The following BCKDHB variants were observed in gnomAD, a reference collection of about 807,000 sequenced individuals.
The protein encoded by BCKDHB is 2-oxoisovalerate dehydrogenase subunit beta, mitochondrial.
BCKDHB carries 41 observed loss-of-function variants against 48.5 expected under a neutral mutation model. The ratio of observed to expected loss-of-function variants is 0.85; its 90% confidence interval spans 0.66 to 1.10. The LOEUF (loss-of-function observed/expected upper bound fraction) is 1.10. BCKDHB is among the 50% of genes least tolerant of loss of function. The pLI, the probability that BCKDHB is intolerant of heterozygous loss-of-function variation, is 0.00. For synonymous variants in BCKDHB, 201 were observed against 174.8 expected (o/e 1.15, Z -1.18); for missense variants, 496 against 494.2 (o/e 1.00, Z -0.03).
intron 8 of BCKDHB, among the ~76,000 whole-genome samples, chr6:80,225,117 C>T (rs531844667): frequency 3.4e-4 from 52 of 152,242 alleles, no homozygotes; most frequent in African/African-American, 1.1e-3. Flanking sequence ...GCATTCCATC[C>T]GTTCCTTTCA....
At chr6:80,232,207 C>T (rs1273468160) in intron 8 of BCKDHB, among the ~76,000 whole-genome samples, 2 of 151,980 alleles carry the variant, frequency 1.3e-5, no homozygotes, top group African/African-American at 4.8e-5. Flanking sequence ...TTCTCCTTTA[C>T]TGGTAGACTG....
chr6:80,277,277 CT>C (rs755981466), intron 9 of BCKDHB, among the ~76,000 whole-genome samples: 1 of 151,924 alleles, frequency 6.6e-6, no homozygotes, highest in African/African-American at 2.4e-5. Context: ...TGCTTGTATG[CT>C]TCAGCTTTAT....
the BCKDHB span, among the ~76,000 whole-genome samples, chr6:80,380,336 AAGGACATCTTTTTCAATAAATG>A: frequency 3.3e-5 from 5 of 152,078 alleles, no homozygotes; most frequent in Admixed American, 1.3e-4. Flanking sequence ...ACAATGGGGA[AAGGACATCTTTTTCAATAAATG>A]ATGCTGGGAA....
At chr6:80,460,589 T>A in the BCKDHB span, among the ~76,000 whole-genome samples, 1 of 152,122 alleles carries the variant, frequency 6.6e-6, no homozygotes, top group Non-Finnish European at 1.5e-5. Flanking sequence ...GTTTTTAGGT[T>A]TATCCTCAAA....
At chr6:80,209,646 C>G (rs1040122040) in intron 8 of BCKDHB, among the ~76,000 whole-genome samples, 3 of 151,894 alleles carry the variant, frequency 2.0e-5, no homozygotes, top group African/African-American at 7.3e-5. Context: ...ATTATATTAA[C>G]TCTTACCACA....
the BCKDHB span, among the ~76,000 whole-genome samples, chr6:80,370,816 ATATGTG>A: frequency 3.5e-3 from 445 of 125,480 alleles, 4 homozygotes; most frequent in African/African-American, 0.012. Context: ...GTGTATATAT[ATATGTG>A]TGTGTGTGTG....
At chr6:80,200,595 A>G (rs935809894) in intron 6 of BCKDHB, among the ~76,000 whole-genome samples, 1 of 152,218 alleles carries the variant, frequency 6.6e-6, no homozygotes, top group African/African-American at 2.4e-5. Context: ...TTAACATCTT[A>G]CATACATGTA....
the BCKDHB span, among the ~76,000 whole-genome samples, chr6:80,433,359 C>A: frequency 6.6e-6 from 1 of 152,136 alleles, no homozygotes; most frequent in Non-Finnish European, 1.5e-5. Context: ...AGATGCCCTG[C>A]CCAGAGAGGA....
the BCKDHB span, among the ~76,000 whole-genome samples, chr6:80,372,571 T>C: frequency 2.6e-5 from 4 of 152,178 alleles, no homozygotes; most frequent in South Asian, 6.2e-4. Flanking sequence ...TTCTGTATAA[T>C]GTTGGCTGTG....
intron 9 of BCKDHB, among the ~76,000 whole-genome samples, chr6:80,334,862 A>G (rs971040227): frequency 6.6e-6 from 1 of 152,004 alleles, no homozygotes; most frequent in Non-Finnish European, 1.5e-5. Flanking sequence ...TTTGTAAAAT[A>G]GCAAATATTT....
chr6:80,379,065 G>A, the BCKDHB span, among the ~76,000 whole-genome samples: 15 of 152,038 alleles, frequency 9.9e-5, no homozygotes, highest in Non-Finnish European at 2.2e-4. Flanking sequence ...AAATTAAGGA[G>A]TAGGGATGTC....
At chr6:80,353,836 A>G in the BCKDHB span, among the ~76,000 whole-genome samples, 31,229 of 147,128 alleles carry the variant, frequency 0.21, 3,719 homozygotes, top group South Asian at 0.39. Context: ...CTGGGCGACA[A>G]AGTGAGACTC....
intron 3 of BCKDHB, among the ~76,000 whole-genome samples, chr6:80,157,429 G>A (rs1248611031): frequency 7.1e-6 from 1 of 139,870 alleles, no homozygotes; most frequent in Non-Finnish European, 1.6e-5. Flanking sequence ...ACAAGGGATT[G>A]TTCTAGGCAC....
At chr6:80,148,427 C>A (rs1771593874) in intron 3 of BCKDHB, among the ~76,000 whole-genome samples, 1 of 152,022 alleles carries the variant, frequency 6.6e-6, no homozygotes, top group South Asian at 2.1e-4. Flanking sequence ...CTTTTGGGTC[C>A]TCAAAACAGC....
chr6:80,367,417 A>G, the BCKDHB span, among the ~76,000 whole-genome samples: 2 of 152,198 alleles, frequency 1.3e-5, no homozygotes, highest in South Asian at 4.1e-4. Flanking sequence ...ATACATATAT[A>G]TGTATTTCAT....
the BCKDHB span, among the ~76,000 whole-genome samples, chr6:80,460,941 G>C: frequency 2.0e-5 from 3 of 152,082 alleles, no homozygotes; most frequent in Admixed American, 2.0e-4. Context: ...CTCTCAAAGA[G>C]ATTCTCCACT....
intron 6 of BCKDHB, among the ~76,000 whole-genome samples, chr6:80,172,096 T>TATAA (rs1387467183): frequency 6.6e-6 from 1 of 152,164 alleles, no homozygotes; most frequent in Non-Finnish European, 1.5e-5. Context: ...TTGGGCTTCA[T>TATAA]ATAAATCCAT....
intron 9 of BCKDHB, among the ~76,000 whole-genome samples, chr6:80,330,999 C>T (rs1019642997): frequency 1.3e-5 from 2 of 152,088 alleles, no homozygotes; most frequent in Non-Finnish European, 2.9e-5. Context: ...CAAAGATAAT[C>T]GTTTTGCACA....
chr6:80,342,592 AGG>A (rs1769972586), intron 9 of BCKDHB, among the ~76,000 whole-genome samples: 2 of 148,050 alleles, frequency 1.4e-5, no homozygotes, highest in East Asian at 4.0e-4. Flanking sequence ...AAGGGAAGAA[AGG>A]GGAAGGAAGG....
Sources: allele counts gnomAD v4.1 joint callset (sites outside exome capture counted in the v4.1 genomes callset), GRCh38; gene constraint gnomAD v4.1.1; transcripts MANE v1.5; gene names NCBI Gene and HGNC (gene_info 2026-07-23, HGNC 2026-07-21).